The following AGBL1 variants were observed in gnomAD, a reference collection of about 807,000 sequenced individuals.
The protein encoded by AGBL1 is AGBL carboxypeptidase 1.
In AGBL1, 130 loss-of-function variants were observed where a neutral mutation model predicts 118.9. The ratio of observed to expected loss-of-function variants is 1.09; its 90% CI spans 0.95 to 1.26. The LOEUF is 1.26. Among genes scored for constraint, AGBL1 ranks in the 50% most tolerant of loss-of-function variants. The pLI is 0.00. For missense variants in AGBL1, 1,584 were observed against 1,298.1 expected (o/e 1.22, Z -3.38); for synonymous variants, 555 against 478.9 (o/e 1.16, Z -2.08).
intron 21 of AGBL1, among the ~76,000 whole-genome samples, chr15:86,670,128 T>C (rs1424441455): frequency 6.6e-6 from 1 of 152,160 alleles, no homozygotes; most frequent in Non-Finnish European, 1.5e-5. Context: ...ATAATATACA[T>C]TTTTATGCCT....
intron 1 of AGBL1, among the ~76,000 whole-genome samples, chr15:86,141,553 A>G (rs1248117937): frequency 6.6e-6 from 1 of 152,196 alleles, no homozygotes; most frequent in Non-Finnish European, 1.5e-5. Context: ...TGGCAGGCTG[A>G]GGCAGAAGAA....
chr15:86,251,026 T>TAGGAGA (rs1246687601), intron 7 of AGBL1, among the ~76,000 whole-genome samples: 5 of 152,082 alleles, frequency 3.3e-5, no homozygotes, highest in African/African-American at 7.2e-5. Context: ...AGAGAAGAAG[T>TAGGAGA]AGGAGAAGGA....
intron 22 of AGBL1, among the ~76,000 whole-genome samples, chr15:86,795,571 C>T (rs2078557890): frequency 6.7e-6 from 1 of 149,074 alleles, no homozygotes; most frequent in Admixed American, 6.8e-5. Flanking sequence ...GACTAGTAAA[C>T]CTTGCTTTCT....
At chr15:86,129,690 T>A (rs978858787) in intron 1 of AGBL1, among the ~76,000 whole-genome samples, 1 of 152,110 alleles carries the variant, frequency 6.6e-6, no homozygotes, top group African/African-American at 2.4e-5. Context: ...GGAATACTGC[T>A]AAACATCTTG....
chr15:87,007,929 G>A (rs1462047686), intron 24 of AGBL1, among the ~76,000 whole-genome samples: 1 of 152,200 alleles, frequency 6.6e-6, no homozygotes, highest in East Asian at 1.9e-4. Flanking sequence ...ATCTGAAACT[G>A]AATCTCTGCA....
intron 22 of AGBL1, among the ~76,000 whole-genome samples, chr15:86,857,592 G>A (rs192992294): frequency 1.1e-4 from 16 of 152,232 alleles, no homozygotes; most frequent in Non-Finnish European, 4.4e-5. Context: ...TCTTTATGGA[G>A]GCCTTCCCCG....
At chr15:86,122,624 TAACCCA>T (rs2141583564) in intron 1 of AGBL1, among the ~76,000 whole-genome samples, 1 of 152,220 alleles carries the variant, frequency 6.6e-6, no homozygotes, top group Admixed American at 6.5e-5. Flanking sequence ...AAAATCAGAC[TAACCCA>T]ACTGGGGGCC....
chr15:86,717,399 G>T (rs1021841919), intron 22 of AGBL1, among the ~76,000 whole-genome samples: 5 of 152,088 alleles, frequency 3.3e-5, no homozygotes, highest in Admixed American at 6.5e-5. Flanking sequence ...TAAACAGATT[G>T]CTAGGCTAAG....
chr15:86,265,546 A>G (rs2079058125), intron 11 of AGBL1, among the ~76,000 whole-genome samples: 1 of 152,254 alleles, frequency 6.6e-6, no homozygotes. Flanking sequence ...TGGGCAGACC[A>G]GAAAGTTTTC....
At chr15:86,269,891 A>G (rs1373206327) in intron 13 of AGBL1, 28 bp from the exon 14 acceptor site, 3 of 1,608,152 alleles carry the variant, frequency 1.9e-6, no homozygotes, top group South Asian at 1.1e-5. Context: ...TTTCCAGATA[A>G]CCCTCCAGTC....
At chr15:86,220,883 A>G (rs2078269981) in intron 5 of AGBL1, among the ~76,000 whole-genome samples, 2 of 152,114 alleles carry the variant, frequency 1.3e-5, no homozygotes, top group African/African-American at 4.8e-5. Context: ...CTCTAAGAAA[A>G]CAGTGCCCTC....
chr15:86,321,595 C>G (rs941831987), intron 17 of AGBL1, among the ~76,000 whole-genome samples: 1 of 151,604 alleles, frequency 6.6e-6, no homozygotes, highest in African/African-American at 2.4e-5. Flanking sequence ...ATGGCAAAAA[C>G]CCGTCTATAT....
chr15:86,134,696 G>A (rs185812913), intron 1 of AGBL1, among the ~76,000 whole-genome samples: 2,868 of 137,464 alleles, frequency 0.021, 56 homozygotes, highest in Non-Finnish European at 0.026. Flanking sequence ...TCACTGTAAC[G>A]TCTGCCACCC....
At chr15:86,827,776 C>T (rs2141407618) in intron 22 of AGBL1, among the ~76,000 whole-genome samples, 1 of 148,358 alleles carries the variant, frequency 6.7e-6, no homozygotes, top group South Asian at 2.2e-4. Context: ...TGGTCCTCTT[C>T]CTTTCTCCCA....
chr15:86,992,871 T>C (rs1009246307), intron 24 of AGBL1, among the ~76,000 whole-genome samples: 2 of 152,288 alleles, frequency 1.3e-5, no homozygotes, highest in East Asian at 3.9e-4. Context: ...GCCATTGTTA[T>C]CTAGTCATAG....
chr15:86,771,578 G>T (rs2078181882), intron 22 of AGBL1, among the ~76,000 whole-genome samples: 1 of 151,942 alleles, frequency 6.6e-6, no homozygotes, highest in Admixed American at 6.6e-5. Context: ...TTCCATGCCT[G>T]GTTTAGTATA....
At chr15:86,614,294 C>G (rs938651055) in intron 21 of AGBL1, among the ~76,000 whole-genome samples, 1 of 152,220 alleles carries the variant, frequency 6.6e-6, no homozygotes, top group Non-Finnish European at 1.5e-5. Context: ...CTTATTGTCA[C>G]TTTCTTCCAG....
chr15:86,202,573 G>A (rs1054274930), intron 5 of AGBL1, among the ~76,000 whole-genome samples: 6 of 152,220 alleles, frequency 3.9e-5, no homozygotes, highest in Non-Finnish European at 7.3e-5. Context: ...CACATTGCAA[G>A]TACTCAGTGG....
intron 17 of AGBL1, among the ~76,000 whole-genome samples, chr15:86,301,053 T>C (rs1442234697): frequency 6.6e-6 from 1 of 152,170 alleles, no homozygotes. Context: ...TTTGTCTCTT[T>C]CTAAGCCTCC....
Sources: gnomAD v4.1 joint callset for allele counts (sites outside exome capture counted in the v4.1 genomes callset) on GRCh38, gnomAD v4.1.1 for gene constraint, MANE v1.5 for transcripts, NCBI Gene and HGNC (gene_info 2026-07-23, HGNC 2026-07-21) for gene names.